The following LNX1 variants were observed in gnomAD, a reference collection of about 807,000 sequenced individuals.
LNX1 encodes E3 ubiquitin-protein ligase LNX.
In LNX1, 54 loss-of-function variants were observed where a neutral mutation model predicts 68.4. That is an observed-to-expected ratio of 0.79 (90% CI 0.63 to 0.99). The LOEUF is 0.99. Among genes scored for constraint, LNX1 ranks in the 50% least tolerant of loss-of-function variants. LNX1 has a pLI of 0.00. For missense variants in LNX1, 906 were observed against 926.4 expected, an observed-to-expected ratio of 0.98 and a Z score of 0.29; for synonymous variants, 336 against 350.0, an observed-to-expected ratio of 0.96 and a Z score of 0.45.
chr4:53,581,283 G>A (rs1003591839), intron 1 of LNX1, among the ~76,000 whole-genome samples: 1 of 152,122 alleles, frequency 6.6e-6, no homozygotes, highest in African/African-American at 2.4e-5. Flanking sequence ...GTTGAAAAAT[G>A]TGGAAAACAT....
chr4:53,593,249 G>A (rs1022207065), upstream of LNX1, among the ~76,000 whole-genome samples: 4 of 152,242 alleles, frequency 2.6e-5, no homozygotes, highest in Admixed American at 1.3e-4. Flanking sequence ...AGGGGGAGGG[G>A]AGGGAGAGCC....
chr4:53,649,692 C>T (rs936318587), intron 1 of LNX1, among the ~76,000 whole-genome samples: 4 of 152,176 alleles, frequency 2.6e-5, no homozygotes, highest in Non-Finnish European at 5.9e-5. Flanking sequence ...TAATCTCTGC[C>T]CATTTAGGAT....
At position 53,502,388 on chromosome 4, in the gene LNX1, GTACTC is replaced by G. The variant is rs1313339551; in HGVS notation, c.776-3550_776-3546del. Among the ~76,000 whole-genome samples the G allele has an allele frequency of 3.0e-4, 45 of 152,260 alleles. 1 individual carries two copies. The highest frequency in any genetic ancestry group is 1.0e-3 in the African/African-American group (43 of 41,554). On this transcript the variant is annotated intron_variant, in intron 4 of 10. Transcript: ENST00000263925. ...TGGTTATAAGAGTTATGTTTACACT[GTACTC>G]TAGTCTATCAAGTGTACAATAGCAT...
At chr4:53,505,645 C>A (rs1725819829) in intron 4 of LNX1, among the ~76,000 whole-genome samples, 2 of 152,178 alleles carry the variant, frequency 1.3e-5, no homozygotes, top group Admixed American at 6.5e-5. Context: ...TTTCATTTAG[C>A]CATTGCACAG....
chr4:53,608,496 G>A (rs936611868), intron 2 of LNX1, among the ~76,000 whole-genome samples: 8 of 152,078 alleles, frequency 5.3e-5, no homozygotes, highest in African/African-American at 1.9e-4. Flanking sequence ...AAAAGTAAAC[G>A]CTTATACACT....
chr4:53,468,942 G>C (rs979354209), intron 9 of LNX1, among the ~76,000 whole-genome samples: 13 of 152,124 alleles, frequency 8.5e-5, no homozygotes, highest in African/African-American at 2.9e-4. Context: ...GACACAGAAA[G>C]TTAACAAGGA....
chr4:53,539,941 T>C (rs1449247915), intron 2 of LNX1, among the ~76,000 whole-genome samples: 1 of 152,256 alleles, frequency 6.6e-6, no homozygotes, highest in African/African-American at 2.4e-5. Flanking sequence ...ATGGCAAAGG[T>C]TGACTTGGCC....
intron 9 of LNX1, among the ~76,000 whole-genome samples, chr4:53,476,024 TG>T (rs1419829335): frequency 6.6e-6 from 1 of 152,138 alleles, no homozygotes; most frequent in Non-Finnish European, 1.5e-5. Context: ...TGGCTGGACA[TG>T]GTGGCTCACA....
At position 53,476,893 on chromosome 4, in the gene LNX1, C is replaced by G. The variant is rs752968070; in HGVS notation, c.1752G>C (p.Ser584=). 1.9e-6 allele frequency: 3 copies of G among 1,614,144 alleles called. No individual in the cohort carries two copies. The highest frequency in any genetic ancestry group is 1.1e-5 in the South Asian group (1 of 91,086). Residue 584 remains serine (S), a synonymous_variant, in exon 9 of 11, where the codon TCG becomes TCC. Coordinates refer to ENST00000263925, the MANE Select transcript of LNX1 (RefSeq NM_001126328.3). ...TGACTTCCAAAGCTTTGAGTACTAT[C>G]GAGGATGATGTTCTTTTCAATAATG... ...AVALLKRTSS[S]IVLKALEVKE... is the part of the protein sequence containing the mutation.
Position 53,460,618 on chromosome 4 carries a change from G to A in LNX1, c.*289C>T, listed in dbSNP as rs1462579066. The stretch of plus-strand genomic sequence containing the variant: ...TTTAAATCAGCTTGAATTCAGTGGG[G>A]TATACAAATCATTTTAGTTGTTTTA... On this transcript the variant is annotated 3_prime_UTR_variant, in exon 11 of 11. Coordinates refer to ENST00000263925, the MANE Select transcript of LNX1 (RefSeq NM_001126328.3). The A allele has an allele frequency of 1.6e-5, 5 of 304,528 alleles. No individual in the cohort carries two copies. Among genetic ancestry groups the A allele is most frequent in the Non-Finnish European group, 2.9e-5 (5 of 171,732 alleles). The allele number at this position is 304,528 out of a possible 1,614,324, so 18.9% of individuals were successfully genotyped here. A position where few individuals can be genotyped will look rare whatever the true frequency, so the allele number is the denominator to read the frequency against.
intron 1 of LNX1, among the ~76,000 whole-genome samples, chr4:53,640,470 T>G (rs1242739123): frequency 6.6e-6 from 1 of 152,198 alleles, no homozygotes; most frequent in Non-Finnish European, 1.5e-5. Flanking sequence ...AGTGAGTCTA[T>G]GGCCTTAGTG....
At chr4:53,576,921 C>T (rs1483900592) in intron 1 of LNX1, among the ~76,000 whole-genome samples, 1 of 152,248 alleles carries the variant, frequency 6.6e-6, no homozygotes, top group South Asian at 2.1e-4. Flanking sequence ...TTGTTGTTTA[C>T]ATTTCTGTAC....
chr4:53,609,713 A>C (rs1733395754), intron 2 of LNX1, among the ~76,000 whole-genome samples: 1 of 142,392 alleles, frequency 7.0e-6, no homozygotes, highest in Non-Finnish European at 1.5e-5. Context: ...TACTATTATA[A>C]TATATAGTAC....
At chr4:53,639,820 T>C (rs1734610313) in intron 1 of LNX1, among the ~76,000 whole-genome samples, 1 of 152,264 alleles carries the variant, frequency 6.6e-6, no homozygotes, top group Admixed American at 6.5e-5. Context: ...TCACTTGACG[T>C]CAGGGATTTG....
upstream of LNX1, among the ~76,000 whole-genome samples, chr4:53,619,251 C>T (rs894246976): frequency 6.6e-6 from 1 of 152,178 alleles, no homozygotes; most frequent in South Asian, 2.1e-4. Flanking sequence ...AGTTTATTCA[C>T]AAGACTATAC....
chr4:53,501,310 G>GGGGGGGGGGGGA (rs1553932776), intron 4 of LNX1, among the ~76,000 whole-genome samples: 1 of 95,906 alleles, frequency 1.0e-5, no homozygotes, highest in Non-Finnish European at 2.1e-5. Flanking sequence ...GGGGGTGGGG[G>GGGGGGGGGGGGA]GACAGGATCT....
At chr4:53,573,210 T>A (rs949553611) in intron 2 of LNX1, among the ~76,000 whole-genome samples, 1 of 151,876 alleles carries the variant, frequency 6.6e-6, no homozygotes, top group African/African-American at 2.4e-5. Context: ...AGACAAAAAG[T>A]GGAATGGTGG....
At chr4:53,628,308 A>G (rs1176468763) in intron 1 of LNX1, among the ~76,000 whole-genome samples, 1 of 152,244 alleles carries the variant, frequency 6.6e-6, no homozygotes, top group African/African-American at 2.4e-5. Flanking sequence ...ATACAAAACA[A>G]TCCCATCAAA....
At chr4:53,517,570 T>G (rs1163820785) in intron 2 of LNX1, among the ~76,000 whole-genome samples, 1 of 152,218 alleles carries the variant, frequency 6.6e-6, no homozygotes, top group African/African-American at 2.4e-5. Flanking sequence ...GTAAAGAACT[T>G]TCCGAGTTCA....
Sources: gnomAD v4.1 joint callset for allele counts (sites outside exome capture counted in the v4.1 genomes callset) on GRCh38, gnomAD v4.1.1 for gene constraint, MANE v1.5 for transcripts, NCBI Gene and HGNC (gene_info 2026-07-23, HGNC 2026-07-21) for gene names.